The following GALNT17 variants were observed in gnomAD, a reference collection of about 807,000 sequenced individuals.
GALNT17 encodes the protein polypeptide N-acetylgalactosaminyltransferase 17.
GALNT17 carries 29 observed loss-of-function variants against 63.7 expected under a neutral mutation model. The ratio of observed to expected loss-of-function variants is 0.46; its 90% CI spans 0.34 to 0.62. The LOEUF (loss-of-function observed/expected upper bound fraction) is 0.62, where lower values mean the gene tolerates loss of function less well. Ranked by LOEUF, GALNT17 falls within the 20% of genes least tolerant of loss-of-function variation. GALNT17 has a pLI of 0.01. For synonymous variants in GALNT17, 305 were observed against 318.3 expected (o/e 0.96, Z 0.45); for missense variants, 603 against 799.6 (o/e 0.75, Z 2.97).
intron 5 of GALNT17, among the ~76,000 whole-genome samples, chr7:71,451,251 A>C (rs768549875): frequency 1.4e-4 from 22 of 152,214 alleles, no homozygotes; most frequent in Non-Finnish European, 2.4e-4. Flanking sequence ...AAAAATTGAC[A>C]GAATTTACCT....
intron 1 of GALNT17, among the ~76,000 whole-genome samples, chr7:71,215,665 A>G (rs1585887397): frequency 6.6e-6 from 1 of 152,016 alleles, no homozygotes; most frequent in African/African-American, 2.4e-5. Context: ...ATACTATGTC[A>G]TGTCACCTGT....
rs368791431 is a variant in GALNT17, at chr7:71,187,334, C to T, written c.238+54294C>T. Among the ~76,000 whole-genome samples the T allele has an allele frequency of 6.1e-5, 9 of 146,384 alleles. No individual in the cohort carries two copies. The East Asian group carries it at 1.4e-3, about 23-fold the overall frequency. ...TGGGCGTATTGCTGTGTTGCCCAGG[C>T]TGGTCTCAAATTCCTGGCCTCAAGC... is the stretch of plus-strand genomic sequence containing the variant. On this transcript the variant is annotated intron_variant, in intron 1 of 10. Coordinates refer to ENST00000333538, the MANE Select transcript of GALNT17 (RefSeq NM_022479.3).
chr7:71,515,493 T>C lies in GALNT17; in HGVS notation c.963-55792T>C, dbSNP rs182384038. 1.0e-3 allele frequency among the ~76,000 whole-genome samples: 156 copies of C among 152,324 alleles called. 2 individuals carry two copies. The highest frequency in any genetic ancestry group is 3.6e-3 in the African/African-American group (150 of 41,570). On this transcript the variant is annotated intron_variant, in intron 5 of 10. Coordinates refer to ENST00000333538, the MANE Select transcript of GALNT17 (RefSeq NM_022479.3). ...TGGGCTTTGTGGTCAAGAAAGGACT[T>C]CATCAGACGCAGTGATAGTGTCTTT...
chr7:71,686,859 A>G (rs1437537301), intron 9 of GALNT17, among the ~76,000 whole-genome samples: 1 of 152,036 alleles, frequency 6.6e-6, no homozygotes, highest in African/African-American at 2.4e-5. Context: ...AGCCCATACC[A>G]TGGACGAGGT....
intron 6 of GALNT17, among the ~76,000 whole-genome samples, chr7:71,629,400 C>T (rs1790424101): frequency 6.6e-6 from 1 of 152,200 alleles, no homozygotes; most frequent in Non-Finnish European, 1.5e-5. Context: ...GAAGACATTA[C>T]AAACTCAGAA....
intron 6 of GALNT17, among the ~76,000 whole-genome samples, chr7:71,659,832 G>C (rs1254069860): frequency 6.6e-6 from 1 of 152,156 alleles, no homozygotes; most frequent in African/African-American, 2.4e-5. Context: ...GCTGCCCCTG[G>C]GCTTGGGACT....
Position 71,699,724 on chromosome 7 carries a change from A to G in GALNT17, c.1501-11037A>G, listed in dbSNP as rs1791602077. ...TGAAATGGGAGAATCATTTGAGCCTAGGAGTTTGAGGCCAGCCTGGGCAAA... is the reference window on the plus strand; with the variant it reads ...TGAAATGGGAGAATCATTTGAGCCTGGGAGTTTGAGGCCAGCCTGGGCAAA... On this transcript the variant is annotated intron_variant, in intron 9 of 10. Coordinates refer to ENST00000333538, the MANE Select transcript of GALNT17 (RefSeq NM_022479.3). 3.3e-5 allele frequency among the ~76,000 whole-genome samples: 5 copies of G among 151,980 alleles called. No homozygotes were observed. The South Asian group carries it at 1.0e-3, about 32-fold the overall frequency.
At chr7:71,267,691 C>CTTATT (rs112416466) in intron 1 of GALNT17, among the ~76,000 whole-genome samples, 1 of 151,962 alleles carries the variant, frequency 6.6e-6, no homozygotes, top group East Asian at 1.9e-4. Flanking sequence ...CAGCAGGTTT[C>CTTATT]TTATTTTATT....
chr7:71,459,130 A>G (rs1339774323), intron 5 of GALNT17, among the ~76,000 whole-genome samples: 1 of 152,226 alleles, frequency 6.6e-6, no homozygotes, highest in Non-Finnish European at 1.5e-5. Context: ...AATTAAATTT[A>G]ACAGAGTCTA....
At chr7:71,137,909 C>T (rs1481082243) in intron 1 of GALNT17, among the ~76,000 whole-genome samples, 1 of 152,156 alleles carries the variant, frequency 6.6e-6, no homozygotes, top group East Asian at 1.9e-4. Context: ...TTGACTCCCC[C>T]AAAACTTAAC....
rs575460580 is a variant in GALNT17, at chr7:71,142,555, C to A, written c.238+9515C>A. Among the ~76,000 whole-genome samples, 9 of 152,206 alleles carry A rather than the reference C, an allele frequency of 5.9e-5. No individual in the cohort carries two copies. The South Asian group carries it at 1.2e-3, about 21-fold the overall frequency. On this transcript the variant is annotated intron_variant, in intron 1 of 10. Transcript: ENST00000333538. ...AGGCGTAGACTAGATGCTAAGAGTACAATGAGGTGCAGAGATCATGCTTAC... is the reference window on the plus strand; with the variant it reads ...AGGCGTAGACTAGATGCTAAGAGTAAAATGAGGTGCAGAGATCATGCTTAC...
intron 5 of GALNT17, among the ~76,000 whole-genome samples, chr7:71,477,125 A>C (rs926668182): frequency 1.3e-5 from 2 of 152,210 alleles, no homozygotes; most frequent in South Asian, 2.1e-4. Context: ...ACTACTACTA[A>C]TAATTAATTA....
At chr7:71,388,817 G>A (rs867369901) in intron 3 of GALNT17, among the ~76,000 whole-genome samples, 7 of 152,096 alleles carry the variant, frequency 4.6e-5, no homozygotes, top group Admixed American at 3.9e-4. Context: ...GTGTGCCACC[G>A]TGCCCGGCCC....
At chr7:71,644,454 G>A (rs1475355126) in intron 6 of GALNT17, among the ~76,000 whole-genome samples, 1 of 147,836 alleles carries the variant, frequency 6.8e-6, no homozygotes, top group African/African-American at 2.5e-5. Context: ...AGAATTGCTC[G>A]GGAGGCCAAG....
intron 5 of GALNT17, among the ~76,000 whole-genome samples, chr7:71,421,313 G>C (rs916577830): frequency 2.6e-5 from 4 of 152,218 alleles, no homozygotes; most frequent in Admixed American, 2.6e-4. Flanking sequence ...TTCAAGTGCA[G>C]CTTTCCAACA....
At chr7:71,652,837 A>G (rs992509579) in intron 6 of GALNT17, among the ~76,000 whole-genome samples, 1 of 152,100 alleles carries the variant, frequency 6.6e-6, no homozygotes, top group African/African-American at 2.4e-5. Flanking sequence ...ATGTTACAGA[A>G]CCCGCCATAG....
At chr7:71,367,039 A>T (rs544977166) in intron 2 of GALNT17, among the ~76,000 whole-genome samples, 1 of 152,262 alleles carries the variant, frequency 6.6e-6, no homozygotes, top group East Asian at 1.9e-4. Context: ...TTTTCAATAC[A>T]TTTTGTTCTA....
intron 5 of GALNT17, among the ~76,000 whole-genome samples, chr7:71,443,759 T>G (rs1787111202): frequency 6.6e-6 from 1 of 151,856 alleles, no homozygotes; most frequent in Non-Finnish European, 1.5e-5. Flanking sequence ...AGTTTCGCTC[T>G]TGTTGCCCAG....
At chr7:71,621,544 T>TGG (rs1219584683) in intron 6 of GALNT17, among the ~76,000 whole-genome samples, 1 of 135,046 alleles carries the variant, frequency 7.4e-6, no homozygotes, top group Non-Finnish European at 1.6e-5. Flanking sequence ...GATTGATGGA[T>TGG]TGATGGATAG....
Sources: allele counts gnomAD v4.1 joint callset (sites outside exome capture counted in the v4.1 genomes callset), GRCh38; gene constraint gnomAD v4.1.1; transcripts MANE v1.5; gene names NCBI Gene and HGNC (gene_info 2026-07-23, HGNC 2026-07-21).